TULP4: variants seen among roughly 807,000 people sequenced by gnomAD.
The protein encoded by TULP4 is TUB like protein 4.
A neutral mutation model predicts 129.0 loss-of-function variants in TULP4; 16 were observed. The ratio of observed to expected loss-of-function variants is 0.12; its 90% CI spans 0.08 to 0.19. TULP4 has a LOEUF of 0.19. Among genes scored for constraint, TULP4 ranks in the 10% least tolerant of loss-of-function variants. The pLI is 1.00. For synonymous variants in TULP4, 998 were observed against 854.0 expected (o/e 1.17, Z -2.94); for missense variants, 1,842 against 2,059.1 (o/e 0.89, Z 2.04).
At position 158,383,382 on chromosome 6, in the gene TULP4, G is replaced by GTGAGAATTATAATGCAA. The variant is rs563164384; in HGVS notation, c.253-29679_253-29663dup. On this transcript the variant is annotated intron_variant, in intron 1 of 13. Transcript: ENST00000367097. ...TTATATCTACTTCTATGGTACTGTT[G>GTGAGAATTATAATGCAA]TGAGAATTATAATGCAATGATAAAA... Among the ~76,000 whole-genome samples the GTGAGAATTATAATGCAA allele has an allele frequency of 1.3e-3, 198 of 152,294 alleles. 1 individual carries two copies. The highest frequency in any genetic ancestry group is 4.5e-3 in the African/African-American group (188 of 41,556).
chr6:158,414,898 G>C (rs1311644786), intron 2 of TULP4, among the ~76,000 whole-genome samples: 3 of 152,224 alleles, frequency 2.0e-5, no homozygotes, highest in Non-Finnish European at 4.4e-5. Context: ...GTTAATAGAA[G>C]AGAAGAATCC....
Position 158,503,513 on chromosome 6 carries a change from C to G in TULP4, c.3850C>G (p.His1284Asp), listed in dbSNP as rs757112669. 1 of 1,614,016 alleles carries G rather than the reference C, an allele frequency of 6.2e-7. No individual in the cohort carries two copies. The highest frequency in any genetic ancestry group is 1.7e-5 in the Admixed American group (1 of 60,014). ...NPQGTLPPKP[H>D]LVVEKPLVSP... ...CCAGGGCACTCTCCCCCCAAAGCCA[C>G]ACTTGGTGGTGGAGAAGCCCCTTGT... Residue 1284 changes from histidine to aspartate, a missense_variant, in exon 13 of 14, where the codon CAC (histidine) becomes GAC (aspartate). By Grantham distance (81) the His-to-Asp change is moderately conservative. Coordinates refer to ENST00000367097, the MANE Select transcript of TULP4 (RefSeq NM_020245.5). This position sits in a 1 kb window ranked among gnomAD's most constrained non-coding sequence, Gnocchi z 4.3.
intron 1 of TULP4, among the ~76,000 whole-genome samples, chr6:158,362,924 C>A (rs1780830023): frequency 6.6e-6 from 1 of 151,916 alleles, no homozygotes; most frequent in Admixed American, 6.6e-5. Context: ...TAGCCGGGTG[C>A]AGTGGCAGGT....
rs763364593 is a variant in TULP4 at position 158,501,876 on chromosome 6, G to GTGA, written c.2214_2216dup (p.Asp739dup). Reference sequence around the variant, plus strand: ...GCTGTAGGGACAGCAGAACATGCAGGTGACAGTGCCACCCAGTACCCAGTC... The same window carrying GTGA: ...GCTGTAGGGACAGCAGAACATGCAGGTGATGACAGTGCCACCCAGTACCCAGTC... On this transcript the variant is annotated inframe_insertion, in exon 13 of 14. Transcript: ENST00000367097. 3.7e-6 allele frequency: 6 copies of GTGA among 1,614,062 alleles called. No individual in the cohort carries two copies. The highest frequency in any genetic ancestry group is 3.4e-6 in the Non-Finnish European group (4 of 1,180,032).
chr6:158,425,975 A>G (rs1720444910), intron 2 of TULP4, among the ~76,000 whole-genome samples: 4 of 152,116 alleles, frequency 2.6e-5, no homozygotes. Flanking sequence ...CATTTCTCTA[A>G]TCAGTGAAGT....
chr6:158,446,863 T>C (rs550285570), intron 3 of TULP4, among the ~76,000 whole-genome samples: 7 of 152,318 alleles, frequency 4.6e-5, no homozygotes, highest in African/African-American at 1.7e-4. Flanking sequence ...CTCATACTCT[T>C]CTTATATGGG....
At chr6:158,241,637 C>T (rs1262417556) in intron 1 of TULP4, among the ~76,000 whole-genome samples, 1 of 152,150 alleles carries the variant, frequency 6.6e-6, no homozygotes, top group Non-Finnish European at 1.5e-5. Flanking sequence ...CTCTGTCACC[C>T]AGGCTGGAGT....
At chr6:158,390,566 A>G (rs975842486) in intron 1 of TULP4, among the ~76,000 whole-genome samples, 8 of 152,234 alleles carry the variant, frequency 5.3e-5, no homozygotes, top group South Asian at 2.1e-4. Context: ...GGTCCATACA[A>G]GAGTCTCCTA....
intron 6 of TULP4, among the ~76,000 whole-genome samples, chr6:158,475,709 G>T (rs1387922473): frequency 1.3e-5 from 2 of 152,180 alleles, no homozygotes; most frequent in Non-Finnish European, 2.9e-5. Flanking sequence ...GAACCTAGAG[G>T]ACAGAGTGAT....
At chr6:158,463,649 AAT>A (rs60561997) in intron 6 of TULP4, among the ~76,000 whole-genome samples, 1,943 of 137,784 alleles carry the variant, frequency 0.014, 45 homozygotes, top group African/African-American at 0.047. Context: ...GTATAATAAA[AAT>A]ATATATATAT....
intron 2 of TULP4, among the ~76,000 whole-genome samples, chr6:158,426,138 C>T (rs1225100039): frequency 6.6e-6 from 1 of 152,072 alleles, no homozygotes. Flanking sequence ...TTGTCAGATG[C>T]GTACTTTGTA....
At chr6:158,307,145 G>C (rs548279561) in intron 1 of TULP4, among the ~76,000 whole-genome samples, 15 of 152,172 alleles carry the variant, frequency 9.9e-5, no homozygotes, top group Admixed American at 9.8e-4. Context: ...TTAATAATAA[G>C]AGTGTATTGT....
At chr6:158,368,098 T>C (rs931806499) in intron 1 of TULP4, among the ~76,000 whole-genome samples, 3 of 129,402 alleles carry the variant, frequency 2.3e-5, no homozygotes, top group African/African-American at 5.2e-5. Context: ...AGGAGCTTCC[T>C]GAATCTGACA....
chr6:158,299,144 G>C (rs376805666), intron 1 of TULP4, among the ~76,000 whole-genome samples: 1 of 152,024 alleles, frequency 6.6e-6, no homozygotes, highest in Non-Finnish European at 1.5e-5. Flanking sequence ...CGGTCGGGGT[G>C]GGGGGTAATG....
chr6:158,467,733 A>G (rs946996498), intron 6 of TULP4, among the ~76,000 whole-genome samples: 6 of 152,178 alleles, frequency 3.9e-5, no homozygotes, highest in Admixed American at 6.5e-5. Context: ...CATCCCCTCT[A>G]GAATTAGCTC....
At chr6:158,373,509 T>A (rs375613859) in intron 1 of TULP4, among the ~76,000 whole-genome samples, 10 of 152,202 alleles carry the variant, frequency 6.6e-5, no homozygotes, top group African/African-American at 2.4e-4. Context: ...GCTTTGCACT[T>A]GGACCAGAAT....
intron 1 of TULP4, among the ~76,000 whole-genome samples, chr6:158,349,862 A>C (rs1307142682): frequency 3.0e-5 from 3 of 99,490 alleles, no homozygotes; most frequent in African/African-American, 8.0e-5. Flanking sequence ...CACCTCCCAG[A>C]CGGGGCGGCC....
intron 6 of TULP4, among the ~76,000 whole-genome samples, chr6:158,463,650 AT>A (rs1779493017): frequency 4.9e-4 from 12 of 24,622 alleles, no homozygotes; most frequent in African/African-American, 2.2e-3. Context: ...TATAATAAAA[AT>A]ATATATATAT....
chr6:158,254,798 G>A (rs1778214695), intron 1 of TULP4, among the ~76,000 whole-genome samples: 2 of 152,222 alleles, frequency 1.3e-5, no homozygotes, highest in South Asian at 4.1e-4. Flanking sequence ...CCGGCCAGGT[G>A]CCGTGGCTCA....
Sources: gnomAD v4.1 joint callset for allele counts (sites outside exome capture counted in the v4.1 genomes callset) on GRCh38, gnomAD v4.1.1 for gene constraint, Gnocchi (gnomAD v3.1) non-coding constraint, MANE v1.5 for transcripts, NCBI Gene and HGNC (gene_info 2026-07-23, HGNC 2026-07-21) for gene names.